Variants in ROBO1 observed in about 807,000 individuals in gnomAD.
ROBO1 encodes the protein roundabout homolog 1.
Under a neutral mutation model 195.9 loss-of-function variants are expected in ROBO1, and 149 were observed. The observed-to-expected ratio is 0.76, with a 90% confidence interval of 0.67 to 0.87. The LOEUF is 0.87. Among genes scored for constraint, ROBO1 ranks in the 40% least tolerant of loss-of-function variants. ROBO1 has a pLI of 0.00. For synonymous variants in ROBO1, 816 were observed against 733.2 expected, an observed-to-expected ratio of 1.11 and a Z score of -1.82; for missense variants, 1,933 against 2,068.3, an observed-to-expected ratio of 0.93 and a Z score of 1.27.
chr3:79,674,827 CGTGT>C (rs151094387), intron 1 of ROBO1, among the ~76,000 whole-genome samples: 1,195 of 61,886 alleles, frequency 0.019, 10 homozygotes, highest in African/African-American at 0.051. Flanking sequence ...TATTTATATC[CGTGT>C]GTGTGTGTGT....
At chr3:79,114,338 C>A (rs1203071787) in intron 3 of ROBO1, among the ~76,000 whole-genome samples, 1 of 152,208 alleles carries the variant, frequency 6.6e-6, no homozygotes, top group Non-Finnish European at 1.5e-5. Context: ...TGAAATGCAG[C>A]TACTTTTCAG....
intron 3 of ROBO1, among the ~76,000 whole-genome samples, chr3:78,980,398 A>G (rs1027213890): frequency 2.0e-5 from 3 of 152,222 alleles, no homozygotes; most frequent in Non-Finnish European, 4.4e-5. Context: ...GAAAACTTCA[A>G]GAGGAATCAA....
chr3:79,541,485 CAA>C (rs1430859497), intron 2 of ROBO1, among the ~76,000 whole-genome samples: 1 of 151,974 alleles, frequency 6.6e-6, no homozygotes, highest in African/African-American at 2.4e-5. Flanking sequence ...ATCACAATTC[CAA>C]GAGAGAGACA....
At chr3:79,685,112 T>C (rs1947062607) in intron 1 of ROBO1, among the ~76,000 whole-genome samples, 2 of 152,154 alleles carry the variant, frequency 1.3e-5, no homozygotes, top group Admixed American at 1.3e-4. Flanking sequence ...GTGTAAAAAA[T>C]ATGTATTCTT....
At chr3:79,612,677 C>G (rs1025125986) in intron 1 of ROBO1, among the ~76,000 whole-genome samples, 1 of 143,920 alleles carries the variant, frequency 6.9e-6, no homozygotes, top group South Asian at 2.3e-4. Context: ...TTCTCCACAT[C>G]CTCTCCAGCA....
At chr3:79,708,558 T>C (rs1340847449) in intron 1 of ROBO1, among the ~76,000 whole-genome samples, 2 of 152,146 alleles carry the variant, frequency 1.3e-5, no homozygotes, top group Non-Finnish European at 2.9e-5. Context: ...AAAGGACAAG[T>C]ACTTTGTTCA....
rs76685255 is a variant in ROBO1, at chr3:79,127,565, A to G, written c.89-2026T>C. Among the ~76,000 whole-genome samples, 19 of 152,334 alleles carry G rather than the reference A, an allele frequency of 1.2e-4. No individual in the cohort carries two copies. The East Asian group carries it at 3.5e-3, about 28-fold the overall frequency. ...CACATTTCTAATCACTCTGTTACAA[A>G]TACTATACAGATTCATCCAAATCCA... On this transcript the variant is annotated intron_variant, in intron 2 of 30. Coordinates refer to ENST00000464233, the MANE Select transcript of ROBO1 (RefSeq NM_002941.4).
intron 1 of ROBO1, among the ~76,000 whole-genome samples, chr3:79,607,039 A>T (rs1196657981): frequency 6.6e-6 from 1 of 151,014 alleles, no homozygotes; most frequent in Non-Finnish European, 1.5e-5. Context: ...AATTAAGCAT[A>T]ATACAGTTAA....
intron 3 of ROBO1, among the ~76,000 whole-genome samples, chr3:79,117,623 T>G (rs2080031416): frequency 6.6e-6 from 1 of 152,200 alleles, no homozygotes; most frequent in Non-Finnish European, 1.5e-5. Flanking sequence ...TGCTTGTTAC[T>G]GTGGCATAAC....
At chr3:79,493,615 G>A (rs148339063) in intron 2 of ROBO1, among the ~76,000 whole-genome samples, 1,554 of 151,952 alleles carry the variant, frequency 0.01, 7 homozygotes, top group Non-Finnish European at 0.017. Context: ...TTGAAAAAAG[G>A]TTTTTTATTT....
intron 2 of ROBO1, among the ~76,000 whole-genome samples, chr3:79,189,746 C>A (rs1323702606): frequency 6.6e-6 from 1 of 151,648 alleles, no homozygotes; most frequent in Non-Finnish European, 1.5e-5. Context: ...ACACTTGTAA[C>A]CTATTTTAAC....
chr3:79,309,778 C>T lies in ROBO1; in HGVS notation c.89-184239G>A, dbSNP rs1460064263. ...TTAGACAGCAATTTAAATGAGCATA[C>T]CACTTTCAAATTCTGATAGCAGAAG... On this transcript the variant is annotated intron_variant, in intron 2 of 30. Coordinates refer to ENST00000464233, the MANE Select transcript of ROBO1 (RefSeq NM_002941.4). 1.3e-5 allele frequency among the ~76,000 whole-genome samples: 2 copies of T among 152,080 alleles called. 1 individual carries two copies. Among genetic ancestry groups the T allele is most frequent in the East Asian group, 3.9e-4 (2 of 5,192 alleles).
intron 2 of ROBO1, among the ~76,000 whole-genome samples, chr3:79,268,940 A>T (rs1362519503): frequency 6.6e-6 from 1 of 151,734 alleles, no homozygotes; most frequent in Non-Finnish European, 1.5e-5. Context: ...AATATTTCAT[A>T]ATAAGTACAA....
chr3:78,904,709 TATATATGTATATGTATATATATGC>T (rs1182931745), intron 4 of ROBO1, among the ~76,000 whole-genome samples: 27 of 150,134 alleles, frequency 1.8e-4, no homozygotes, highest in Non-Finnish European at 7.4e-5. Flanking sequence ...TATATGTATA[TATATATGTATATGTATATATATGC>T]ATATATGTAT....
At chr3:79,747,899 A>G (rs1427574698) in intron 1 of ROBO1, among the ~76,000 whole-genome samples, 2 of 152,110 alleles carry the variant, frequency 1.3e-5, no homozygotes, top group Non-Finnish European at 2.9e-5. Flanking sequence ...ACAAGAAAAA[A>G]GAAAAATAAT....
chr3:78,770,096 T>C (rs2083334071), intron 4 of ROBO1, among the ~76,000 whole-genome samples: 1 of 152,120 alleles, frequency 6.6e-6, no homozygotes. Flanking sequence ...GGTGTTCTTC[T>C]TGCTTCTTGA....
In ROBO1 at chr3:79,391,185, G is replaced by A. The variant is rs556485292; in HGVS notation, c.88+198639C>T. 6.6e-5 allele frequency among the ~76,000 whole-genome samples: 10 copies of A among 150,954 alleles called. No individual in the cohort carries two copies. The South Asian group carries it at 1.7e-3, about 25-fold the overall frequency. Reference sequence around the variant, plus strand: ...ACATCTGCCTGTACTCCCAGCTACCGAGGAGGCTGAGGCAGGAGGATCCCA... The same window carrying A: ...ACATCTGCCTGTACTCCCAGCTACCAAGGAGGCTGAGGCAGGAGGATCCCA... On this transcript the variant is annotated intron_variant, in intron 2 of 30. Coordinates refer to ENST00000464233, the MANE Select transcript of ROBO1 (RefSeq NM_002941.4).
At chr3:79,149,513 T>TTTTTTG (rs1553690731) in intron 2 of ROBO1, among the ~76,000 whole-genome samples, 9 of 149,140 alleles carry the variant, frequency 6.0e-5, no homozygotes, top group Non-Finnish European at 1.2e-4. Context: ...TCGAACTGTG[T>TTTTTTG]TTGTTGTTGT....
intron 4 of ROBO1, among the ~76,000 whole-genome samples, chr3:78,775,135 A>C (rs1207873959): frequency 6.6e-6 from 1 of 152,180 alleles, no homozygotes; most frequent in East Asian, 1.9e-4. Context: ...TACCCATGAC[A>C]AAACAAAGAT....
Sources: allele counts gnomAD v4.1 joint callset (sites outside exome capture counted in the v4.1 genomes callset), GRCh38; gene constraint gnomAD v4.1.1; transcripts MANE v1.5; gene names NCBI Gene and HGNC (gene_info 2026-07-23, HGNC 2026-07-21).